ESRRG: variants seen among roughly 807,000 people sequenced by gnomAD.
The protein encoded by ESRRG is estrogen related receptor gamma.
Under a neutral mutation model 44.0 loss-of-function variants are expected in ESRRG, and 13 were observed. The ratio of observed to expected loss-of-function variants is 0.30; its 90% CI spans 0.19 to 0.47. The LOEUF is 0.47. Ranked by LOEUF, ESRRG falls within the 20% of genes least tolerant of loss-of-function variation. The pLI is 1.00. For synonymous variants in ESRRG, 215 were observed against 214.6 expected (o/e 1.00, Z -0.02); for missense variants, 395 against 580.6 (o/e 0.68, Z 3.29).
At chr1:216,749,375 C>T (rs1186478991) in intron 2 of ESRRG, among the ~76,000 whole-genome samples, 1 of 152,078 alleles carries the variant, frequency 6.6e-6, no homozygotes, top group African/African-American at 2.4e-5. Context: ...TGGATTTGGA[C>T]TTCCTGGATC....
At chr1:216,970,233 A>G (rs2071362682) in intron 1 of ESRRG, among the ~76,000 whole-genome samples, 1 of 152,194 alleles carries the variant, frequency 6.6e-6, no homozygotes, top group South Asian at 2.1e-4. Flanking sequence ...AAAATGAGAA[A>G]ATGCATCACT....
chr1:216,546,617 G>A (rs4846524), intron 5 of ESRRG, among the ~76,000 whole-genome samples: 87,901 of 151,626 alleles, frequency 0.58, 27,148 homozygotes, highest in African/African-American at 0.8. Context: ...TGATCAAATC[G>A]ACATTATCAG....
At chr1:217,095,410 G>C (rs997881942) in intron 1 of ESRRG, among the ~76,000 whole-genome samples, 1 of 152,224 alleles carries the variant, frequency 6.6e-6, no homozygotes, top group Non-Finnish European at 1.5e-5. Context: ...GCAAGTCTCT[G>C]TGTGCTAAGC....
chr1:217,137,438 C>G (rs989142050), intron 1 of ESRRG, among the ~76,000 whole-genome samples: 1 of 152,254 alleles, frequency 6.6e-6, no homozygotes, highest in African/African-American at 2.4e-5. Flanking sequence ...TGGCTCCACG[C>G]AGGCGTTTGC....
intron 2 of ESRRG, among the ~76,000 whole-genome samples, chr1:216,749,090 C>T (rs2091742056): frequency 6.6e-6 from 1 of 152,020 alleles, no homozygotes; most frequent in Admixed American, 6.6e-5. Context: ...GGAGAGCAGG[C>T]AAGAGACCCA....
intron 2 of ESRRG, among the ~76,000 whole-genome samples, chr1:216,779,494 T>TTATAAATATAAATATAAATATATTTA (rs1559607941): frequency 6.5e-4 from 3 of 4,608 alleles, no homozygotes; most frequent in Non-Finnish European, 9.8e-4. Flanking sequence ...AAATATATAT[T>TTATAAATATAAATATAAATATATTTA]TATATATAAA....
At chr1:217,060,483 T>C (rs1322614197) in intron 1 of ESRRG, among the ~76,000 whole-genome samples, 2 of 152,104 alleles carry the variant, frequency 1.3e-5, no homozygotes, top group East Asian at 3.9e-4. Context: ...TACTTGATTC[T>C]CCTATTTGGA....
chr1:216,951,521 T>G (rs1280797087), intron 1 of ESRRG, among the ~76,000 whole-genome samples: 3 of 152,094 alleles, frequency 2.0e-5, no homozygotes, highest in Non-Finnish European at 4.4e-5. Flanking sequence ...AACTGCTTGG[T>G]TGGGCTGTTT....
At chr1:216,537,849 C>T (rs527538638) in intron 5 of ESRRG, among the ~76,000 whole-genome samples, 177 of 152,120 alleles carry the variant, frequency 1.2e-3, no homozygotes, top group African/African-American at 4.2e-3. Context: ...TGATTTGTAC[C>T]GATGCCATTT....
chr1:216,957,301 C>G (rs1173415108), intron 1 of ESRRG, among the ~76,000 whole-genome samples: 3 of 152,122 alleles, frequency 2.0e-5, no homozygotes, highest in Non-Finnish European at 4.4e-5. Flanking sequence ...CATATATGTA[C>G]TTACAAATCC....
intron 3 of ESRRG, among the ~76,000 whole-genome samples, chr1:216,629,087 C>T (rs1292207678): frequency 2.0e-5 from 3 of 152,182 alleles, no homozygotes; most frequent in Admixed American, 1.3e-4. Flanking sequence ...CTTTGTGCTC[C>T]CATGCCACTT....
intron 2 of ESRRG, among the ~76,000 whole-genome samples, chr1:216,765,470 G>A (rs1372877292): frequency 6.6e-6 from 1 of 152,078 alleles, no homozygotes; most frequent in Non-Finnish European, 1.5e-5. Context: ...ACTTAACTGT[G>A]CAAGTTTACA....
chr1:216,774,150 G>A (rs1008487471), intron 2 of ESRRG, among the ~76,000 whole-genome samples: 4 of 152,104 alleles, frequency 2.6e-5, no homozygotes, highest in African/African-American at 7.2e-5. Flanking sequence ...CAAGACCACT[G>A]CACTAGCCTC....
chr1:216,718,315 T>C (rs1206303807), intron 1 of ESRRG, among the ~76,000 whole-genome samples: 1 of 151,976 alleles, frequency 6.6e-6, no homozygotes, highest in Non-Finnish European at 1.5e-5. Flanking sequence ...TCTTCCCACA[T>C]ACATGCATAT....
At chr1:216,807,915 T>C (rs868030070) in intron 2 of ESRRG, among the ~76,000 whole-genome samples, 18 of 151,856 alleles carry the variant, frequency 1.2e-4, no homozygotes, top group Non-Finnish European at 1.6e-4. Flanking sequence ...CCCAATAGAG[T>C]CATGGGCTTA....
chr1:216,710,219 A>G (rs2083320316), intron 1 of ESRRG, among the ~76,000 whole-genome samples: 1 of 152,116 alleles, frequency 6.6e-6, no homozygotes, highest in African/African-American at 2.4e-5. Flanking sequence ...ATCCTGTTTT[A>G]TGTTGTTCAC....
At chr1:216,794,341 G>A (rs188918369) in intron 2 of ESRRG, among the ~76,000 whole-genome samples, 4 of 152,258 alleles carry the variant, frequency 2.6e-5, no homozygotes, top group East Asian at 1.9e-4. Flanking sequence ...AAACCGCTTG[G>A]GGGGAATCCG....
intron 2 of ESRRG, among the ~76,000 whole-genome samples, chr1:216,847,009 AT>A (rs1222775386): frequency 2.6e-5 from 4 of 152,154 alleles, no homozygotes; most frequent in Admixed American, 1.3e-4. Context: ...ATAACTCAAC[AT>A]TCCTTCCAGG....
chr1:216,907,810 C>T (rs2059852926), intron 2 of ESRRG, among the ~76,000 whole-genome samples: 1 of 152,280 alleles, frequency 6.6e-6, no homozygotes, highest in African/African-American at 2.4e-5. Context: ...CTTGTTCTTG[C>T]TGGCTCTAAT....
Sources: allele counts gnomAD v4.1 joint callset (sites outside exome capture counted in the v4.1 genomes callset), GRCh38; gene constraint gnomAD v4.1.1; transcripts MANE v1.5; gene names NCBI Gene and HGNC (gene_info 2026-07-23, HGNC 2026-07-21).